The following BICC1 variants were observed in gnomAD, a reference collection of about 807,000 sequenced individuals.
BICC1 encodes protein bicaudal C homolog 1.
BICC1 carries 43 observed loss-of-function variants against 111.0 expected under a neutral mutation model. That is an observed-to-expected ratio of 0.39 (90% CI 0.30 to 0.50). The LOEUF (loss-of-function observed/expected upper bound fraction) is 0.50. Ranked by LOEUF, BICC1 falls within the 20% of genes least tolerant of loss-of-function variation. The pLI is 0.88. For missense variants in BICC1, 1,091 were observed against 1,203.2 expected, an observed-to-expected ratio of 0.91 and a Z score of 1.38; for synonymous variants, 467 against 434.4, an observed-to-expected ratio of 1.07 and a Z score of -0.93.
At chr10:58,723,480 C>A (rs1384260662) in intron 3 of BICC1, among the ~76,000 whole-genome samples, 1 of 152,082 alleles carries the variant, frequency 6.6e-6, no homozygotes, top group East Asian at 1.9e-4. Context: ...AGTTCTATGC[C>A]TTTTTCTAGT....
At chr10:58,654,092 T>C (rs1327494288) in intron 2 of BICC1, among the ~76,000 whole-genome samples, 1 of 137,788 alleles carries the variant, frequency 7.3e-6, no homozygotes, top group East Asian at 2.3e-4. Context: ...TGTTGGACAT[T>C]TGGGTTGGTT....
intron 2 of BICC1, among the ~76,000 whole-genome samples, chr10:58,684,549 C>T (rs1433744801): frequency 6.6e-6 from 1 of 152,166 alleles, no homozygotes; most frequent in East Asian, 1.9e-4. Flanking sequence ...GCCTCAATTT[C>T]AGAGCCTGTT....
intron 1 of BICC1, among the ~76,000 whole-genome samples, chr10:58,597,551 G>A (rs775477455): frequency 3.9e-5 from 6 of 152,112 alleles, no homozygotes; most frequent in Admixed American, 2.6e-4. Flanking sequence ...CAGAGAACCA[G>A]TGTGACCACA....
chr10:58,551,661 A>T (rs1589089693), intron 1 of BICC1, among the ~76,000 whole-genome samples: 3 of 151,934 alleles, frequency 2.0e-5, no homozygotes, highest in African/African-American at 7.3e-5. Flanking sequence ...TCTCCTTCCC[A>T]CCCAGCCCCT....
At chr10:58,547,999 G>A (rs778219546) in intron 1 of BICC1, among the ~76,000 whole-genome samples, 1 of 152,150 alleles carries the variant, frequency 6.6e-6, no homozygotes, top group Non-Finnish European at 1.5e-5. Flanking sequence ...ACTGGGATGT[G>A]TTGCTTCTAG....
In BICC1 at chr10:58,640,968, T is replaced by TCAAAA. The variant is rs1238388971; in HGVS notation, c.237+20067_237+20068insCAAAA. Among the ~76,000 whole-genome samples the TCAAAA allele has an allele frequency of 5.8e-4, 88 of 152,364 alleles. 1 individual carries two copies. Among genetic ancestry groups the TCAAAA allele is most frequent in the African/African-American group, 2.1e-3 (86 of 41,592 alleles). ...ATTTCAACTTTCAAAAGCAGTTCTT[T>TCAAAA]GCTTTTCCACTTAGAAAAACACATT... On this transcript the variant is annotated intron_variant, in intron 2 of 20. Transcript: ENST00000373886.
chr10:58,651,045 A>C (rs1016490758), intron 2 of BICC1, among the ~76,000 whole-genome samples: 1 of 152,076 alleles, frequency 6.6e-6, no homozygotes, highest in Non-Finnish European at 1.5e-5. Flanking sequence ...CCAGCTTACA[A>C]ATTACTTTTG....
chr10:58,770,628 G>T (rs1362399453), intron 3 of BICC1, among the ~76,000 whole-genome samples: 3 of 151,844 alleles, frequency 2.0e-5, no homozygotes, highest in African/African-American at 7.3e-5. Context: ...ACTAATATAA[G>T]ACATTTTATT....
At chr10:58,692,841 T>A (rs1251403657) in intron 2 of BICC1, among the ~76,000 whole-genome samples, 1 of 136,756 alleles carries the variant, frequency 7.3e-6, no homozygotes, top group Non-Finnish European at 1.5e-5. Flanking sequence ...TCCATCTTTT[T>A]TTTTTTTGAT....
intron 3 of BICC1, chr10:58,715,852 A>T: frequency 8.1e-7 from 1 of 1,236,406 alleles, no homozygotes; most frequent in East Asian, 2.5e-5. Flanking sequence ...AGAAAAGAAG[A>T]AATCTGATAG....
rs544875391 is a variant in BICC1 at position 58,590,531 on chromosome 10, G to A, written c.191-30324G>A. Among the ~76,000 whole-genome samples the A allele has an allele frequency of 3.9e-5, 6 of 152,314 alleles. 1 individual carries two copies. The highest frequency in any genetic ancestry group is 3.9e-4 in the Admixed American group (6 of 15,294). ...GTTAGTGCCAAGAAATTTGAAGTGT[G>A]TATTGAAGAAGGCTATGATAATTAC... On this transcript the variant is annotated intron_variant, in intron 1 of 20. Transcript: ENST00000373886.
intron 3 of BICC1, among the ~76,000 whole-genome samples, chr10:58,736,334 A>G (rs1226831123): frequency 6.6e-6 from 1 of 152,094 alleles, no homozygotes; most frequent in African/African-American, 2.4e-5. Context: ...CACTAAAATG[A>G]GCAGTACAAA....
chr10:58,827,602 G>T (rs567642386), intron 20 of BICC1, among the ~76,000 whole-genome samples: 84 of 152,310 alleles, frequency 5.5e-4, no homozygotes, highest in African/African-American at 2.0e-3. Flanking sequence ...GGAAGACATA[G>T]AAGAAGCAGT....
intron 1 of BICC1, among the ~76,000 whole-genome samples, chr10:58,590,985 T>A (rs1844595604): frequency 6.6e-6 from 1 of 152,208 alleles, no homozygotes; most frequent in Non-Finnish European, 1.5e-5. Context: ...AGTTCAATGA[T>A]CTTTTCTACT....
At chr10:58,519,573 T>C (rs928883061) in intron 1 of BICC1, among the ~76,000 whole-genome samples, 1 of 152,196 alleles carries the variant, frequency 6.6e-6, no homozygotes, top group Non-Finnish European at 1.5e-5. Flanking sequence ...TGTTATTCAG[T>C]AACATTATAT....
intron 3 of BICC1, among the ~76,000 whole-genome samples, chr10:58,768,490 A>G (rs1842520604): frequency 6.6e-6 from 1 of 152,182 alleles, no homozygotes. Flanking sequence ...AAAGACACCA[A>G]TTAGTAGCAT....
At chr10:58,662,233 A>G (rs192338088) in intron 2 of BICC1, among the ~76,000 whole-genome samples, 14 of 152,360 alleles carry the variant, frequency 9.2e-5, no homozygotes, top group African/African-American at 2.9e-4. Context: ...AGAAGAATAT[A>G]AAAATCCCAA....
intron 1 of BICC1, among the ~76,000 whole-genome samples, chr10:58,561,794 G>A (rs972190125): frequency 8.6e-5 from 13 of 152,000 alleles, no homozygotes; most frequent in African/African-American, 2.7e-4. Context: ...ACTCCCATAA[G>A]CCTTTCTTAT....
At chr10:58,715,819 A>T in intron 3 of BICC1, 1 of 1,304,808 alleles carries the variant, frequency 7.7e-7, no homozygotes, top group South Asian at 1.3e-5. Context: ...AGCTCATCCA[A>T]AAAAAAGACA....
Sources: gnomAD v4.1 joint callset for allele counts (sites outside exome capture counted in the v4.1 genomes callset) on GRCh38, gnomAD v4.1.1 for gene constraint, MANE v1.5 for transcripts, NCBI Gene and HGNC (gene_info 2026-07-23, HGNC 2026-07-21) for gene names.